The following ZBTB16 variants were observed in gnomAD, a reference collection of about 807,000 sequenced individuals.
ZBTB16 encodes zinc finger and BTB domain containing 16.
In ZBTB16, 8 loss-of-function variants were observed where a neutral mutation model predicts 56.8. The observed-to-expected ratio is 0.14, with a 90% CI of 0.08 to 0.25. ZBTB16 has a LOEUF of 0.25. Ranked by LOEUF, ZBTB16 falls within the 10% of genes least tolerant of loss-of-function variation. The pLI is 1.00. For synonymous variants in ZBTB16, 363 were observed against 368.5 expected (o/e 0.98, Z 0.17); for missense variants, 625 against 903.0 (o/e 0.69, Z 3.95).
At position 114,087,157 on chromosome 11, in the gene ZBTB16, C is replaced by T. The variant is rs117842023; in HGVS notation, c.1268+22589C>T. 3.8e-3 allele frequency among the ~76,000 whole-genome samples: 579 copies of T among 152,260 alleles called. 21 individuals are homozygous for T. In the East Asian group the frequency reaches 0.091, roughly 24 times the overall value. On this transcript the variant is annotated intron_variant, in intron 2 of 6. Transcript: ENST00000335953. ...AAAATGCTGGTAGTTTCTCTTCTCA[C>T]GGGAAAGATGGTGGTTGTTCATCGA...
intron 3 of ZBTB16, among the ~76,000 whole-genome samples, chr11:114,159,716 G>A (rs1451545425): frequency 1.3e-5 from 2 of 152,128 alleles, no homozygotes; most frequent in African/African-American, 4.8e-5. Flanking sequence ...TACATGTTCT[G>A]ATGCCTGAAA....
rs567689463 is a variant in ZBTB16, at chr11:114,199,698, TG to T, written c.1453+12666del. Among the ~76,000 whole-genome samples, 914 of 152,314 alleles carry T rather than the reference TG, an allele frequency of 6.0e-3. 6 individuals are homozygous for T. The highest frequency in any genetic ancestry group is 0.02 in the African/African-American group (845 of 41,554). On this transcript the variant is annotated intron_variant, in intron 4 of 6. Coordinates refer to ENST00000335953, the MANE Select transcript of ZBTB16 (RefSeq NM_006006.6). The stretch of plus-strand genomic sequence containing the variant: ...GGAATTGGGCAAGAAAAGTACTGTT[TG>T]GGGGGTTCTGTGGTTCCAAGGACAG...
intron 3 of ZBTB16, among the ~76,000 whole-genome samples, chr11:114,172,737 G>T (rs537556579): frequency 6.4e-4 from 97 of 152,288 alleles, no homozygotes; most frequent in African/African-American, 2.1e-3. Context: ...CACCAAACTC[G>T]CAGGTCTTCT....
intron 3 of ZBTB16, among the ~76,000 whole-genome samples, chr11:114,179,221 T>A (rs1943188614): frequency 1.3e-5 from 2 of 152,154 alleles, no homozygotes; most frequent in South Asian, 4.1e-4. Flanking sequence ...TTCCAGAAAC[T>A]CTGGTTCTGG....
chr11:114,181,910 G>T (rs907455291), intron 3 of ZBTB16, among the ~76,000 whole-genome samples: 1 of 152,096 alleles, frequency 6.6e-6, no homozygotes, highest in Admixed American at 6.5e-5. Context: ...TGCTCCTCTT[G>T]CCTTGCCTGG....
At chr11:114,102,061 T>A (rs368493734) in intron 2 of ZBTB16, among the ~76,000 whole-genome samples, 12 of 152,258 alleles carry the variant, frequency 7.9e-5, no homozygotes, top group African/African-American at 2.4e-4. Context: ...TTGGTGTGGG[T>A]CTTGTCTGAG....
intron 2 of ZBTB16, among the ~76,000 whole-genome samples, chr11:114,081,009 A>T (rs1939738619): frequency 6.6e-6 from 1 of 152,150 alleles, no homozygotes. Context: ...GAGTAAGTGG[A>T]GGTCCAGAGA....
intron 2 of ZBTB16, among the ~76,000 whole-genome samples, chr11:114,141,369 A>G (rs977033258): frequency 1.3e-5 from 2 of 152,136 alleles, no homozygotes; most frequent in African/African-American, 4.8e-5. Context: ...CTGCACACCC[A>G]TAGTGATTTG....
At chr11:114,164,077 G>A (rs1290183139) in intron 3 of ZBTB16, among the ~76,000 whole-genome samples, 1 of 152,078 alleles carries the variant, frequency 6.6e-6, no homozygotes, top group Non-Finnish European at 1.5e-5. Flanking sequence ...GGACGATTGC[G>A]GCAGTGTCTG....
At chr11:114,157,784 C>A (rs147597909) in intron 3 of ZBTB16, among the ~76,000 whole-genome samples, 8 of 152,282 alleles carry the variant, frequency 5.3e-5, no homozygotes, top group African/African-American at 1.9e-4. Context: ...CTCTTCCAGG[C>A]GCACGGATTT....
chr11:114,121,693 T>C, intron 2 of ZBTB16: 2 of 410,288 alleles, frequency 4.9e-6, no homozygotes, highest in Non-Finnish European at 9.8e-6. Flanking sequence ...CTTTGAGTGG[T>C]AGAACTGGAA....
At chr11:114,236,059 C>G (rs1944583723) in intron 4 of ZBTB16, among the ~76,000 whole-genome samples, 1 of 152,122 alleles carries the variant, frequency 6.6e-6, no homozygotes, top group Admixed American at 6.5e-5. Flanking sequence ...AGCAGATACC[C>G]TGGGAGTCCA....
intron 2 of ZBTB16, among the ~76,000 whole-genome samples, chr11:114,151,981 T>G (rs895233146): frequency 6.6e-6 from 1 of 152,230 alleles, no homozygotes; most frequent in African/African-American, 2.4e-5. Flanking sequence ...AGGCTTACCC[T>G]GAAGATGACA....
At chr11:114,233,496 A>G (rs1944501457) in intron 4 of ZBTB16, among the ~76,000 whole-genome samples, 1 of 152,046 alleles carries the variant, frequency 6.6e-6, no homozygotes, top group Admixed American at 6.5e-5. Flanking sequence ...AACGCAGCGT[A>G]GGAGGTAGAT....
At chr11:114,065,023 C>G (rs1425456029) in intron 2 of ZBTB16, among the ~76,000 whole-genome samples, 1 of 152,180 alleles carries the variant, frequency 6.6e-6, no homozygotes, top group Non-Finnish European at 1.5e-5. Context: ...TCCCTTTCTG[C>G]AGCTTGGGAG....
intron 4 of ZBTB16, among the ~76,000 whole-genome samples, chr11:114,227,039 G>A (rs1433697315): frequency 1.3e-5 from 2 of 152,108 alleles, no homozygotes; most frequent in African/African-American, 4.8e-5. Context: ...TATTCAGTAA[G>A]CCTATAAATT....
intron 3 of ZBTB16, among the ~76,000 whole-genome samples, chr11:114,176,625 G>A (rs1255307784): frequency 6.6e-6 from 1 of 152,166 alleles, no homozygotes; most frequent in Admixed American, 6.5e-5. Context: ...ATGCATTTGA[G>A]CTCTCGTGTA....
intron 2 of ZBTB16, among the ~76,000 whole-genome samples, chr11:114,148,260 C>T (rs1024058452): frequency 2.0e-5 from 3 of 151,894 alleles, no homozygotes; most frequent in Non-Finnish European, 4.4e-5. Flanking sequence ...CAGGACAGTT[C>T]CCTCCACTCT....
chr11:114,230,292 G>A (rs1481023158), intron 4 of ZBTB16, among the ~76,000 whole-genome samples: 2 of 152,160 alleles, frequency 1.3e-5, no homozygotes, highest in African/African-American at 4.8e-5. Flanking sequence ...CCTGAATCAG[G>A]TGTAATCAGG....
Sources: allele counts gnomAD v4.1 joint callset (sites outside exome capture counted in the v4.1 genomes callset), GRCh38; gene constraint gnomAD v4.1.1; transcripts MANE v1.5; gene names NCBI Gene and HGNC (gene_info 2026-07-23, HGNC 2026-07-21).